NLRP14: variants seen among roughly 807,000 people sequenced by gnomAD.
NLRP14 encodes the protein NLR family pyrin domain containing 14, also known as NACHT, LRR and PYD domains-containing protein 14.
Under a neutral mutation model 94.7 loss-of-function variants are expected in NLRP14, and 105 were observed. The observed-to-expected ratio is 1.11, with a 90% confidence interval of 0.95 to 1.30. NLRP14 has a LOEUF of 1.30. NLRP14 is among the 50% of genes most tolerant of loss of function. The probability of loss-of-function intolerance (pLI) is 0.00; values close to 1 mark genes in which losing one functional copy is unlikely to be tolerated. For missense variants in NLRP14, 1,362 were observed against 1,254.1 expected (o/e 1.09, Z -1.30); for synonymous variants, 508 against 459.9 (o/e 1.10, Z -1.34).
intron 8 of NLRP14, among the ~76,000 whole-genome samples, 195 bp downstream of exon 8, chr11:7,058,645 A>AT (rs1283896971): frequency 6.6e-6 from 1 of 151,968 alleles, no homozygotes; most frequent in Non-Finnish European, 1.5e-5. Flanking sequence ...AACATGCTTA[A>AT]TCTGCAAAAT....
intron 11 of NLRP14, 142 bp from the exon 12 acceptor site, chr11:7,071,031 C>A: frequency 1.2e-6 from 1 of 858,266 alleles, no homozygotes; most frequent in Non-Finnish European, 1.9e-6. Flanking sequence ...GTTCGCTTCC[C>A]CACTCCTCAC....
At chr11:7,040,926 T>C (rs925615863) in intron 3 of NLRP14, among the ~76,000 whole-genome samples, 1 of 152,194 alleles carries the variant, frequency 6.6e-6, no homozygotes. Flanking sequence ...GCTATTTCCC[T>C]CTTATGTGCA....
At chr11:7,083,508 C>A in the NLRP14 span, among the ~76,000 whole-genome samples, 1 of 152,138 alleles carries the variant, frequency 6.6e-6, no homozygotes, top group African/African-American at 2.4e-5. Context: ...TGTCTATTCC[C>A]ATCAAGACCC....
rs1852291106 is a variant in NLRP14, at chr11:7,043,166, G to A, written c.1140G>A (p.Lys380=). ...LVCWAACTCL[K]QQMEKGGDVT... is the part of the protein sequence containing the mutation. ...GCTGGGCCGCTTGTACTTGTCTGAA[G>A]CAGCAAATGGAGAAGGGTGGTGATG... The change falls in exon 4 of 12, where the codon AAG becomes AAA. Residue 380 remains lysine (K), a synonymous_variant. Transcript: ENST00000299481. 3 of 1,614,020 alleles carry A rather than the reference G, an allele frequency of 1.9e-6. No homozygotes were observed. In the South Asian group the frequency reaches 3.3e-5, roughly 18 times the overall value.
At chr11:7,089,007 G>A in the NLRP14 span, 1 of 1,280,876 alleles carries the variant, frequency 7.8e-7, no homozygotes, top group South Asian at 1.3e-5. Context: ...TGGACTCGGC[G>A]ACTAGGCGCC....
chr11:7,068,823 TC>T (rs1357907870), intron 10 of NLRP14, among the ~76,000 whole-genome samples: 1 of 152,036 alleles, frequency 6.6e-6, no homozygotes, highest in Non-Finnish European at 1.5e-5. Flanking sequence ...GCTATTTTTT[TC>T]TTCTTTTCTG....
intron 10 of NLRP14, among the ~76,000 whole-genome samples, chr11:7,064,419 T>A (rs1852674308): frequency 6.6e-6 from 1 of 152,030 alleles, no homozygotes; most frequent in Non-Finnish European, 1.5e-5. Flanking sequence ...CATAATTATT[T>A]TGCCAGGCCA....
intron 1 of NLRP14, among the ~76,000 whole-genome samples, chr11:7,035,855 G>A (rs1215901948): frequency 6.6e-6 from 1 of 152,156 alleles, no homozygotes; most frequent in African/African-American, 2.4e-5. Flanking sequence ...CACAGATTTT[G>A]TATAACTCTG....
At chr11:7,088,967 C>T in the NLRP14 span, 4 of 853,904 alleles carry the variant, frequency 4.7e-6, no homozygotes, top group Non-Finnish European at 7.4e-6. Context: ...CAGGGGCGCG[C>T]CCTGCAGCGG....
the NLRP14 span, among the ~76,000 whole-genome samples, chr11:7,077,699 A>C: frequency 6.6e-6 from 1 of 152,214 alleles, no homozygotes; most frequent in African/African-American, 2.4e-5. Context: ...ATAGAAAAGA[A>C]AAGAGAGTTT....
At chr11:7,027,049 G>A (rs1463937056) in intron 1 of NLRP14, among the ~76,000 whole-genome samples, 1 of 151,910 alleles carries the variant, frequency 6.6e-6, no homozygotes, top group African/African-American at 2.4e-5. Context: ...CTGCATCAGT[G>A]CCCCTTTTTA....
chr11:7,074,466 G>A (rs562630214), downstream of NLRP14, among the ~76,000 whole-genome samples: 50 of 152,292 alleles, frequency 3.3e-4, no homozygotes, highest in African/African-American at 1.1e-3. Context: ...TGCAGTCATC[G>A]TCTCATCCTT....
rs150289350 is a variant in NLRP14, at chr11:7,027,963, T to C, written c.-22+7193T>C. The stretch of plus-strand genomic sequence containing the variant: ...CTTTTTCATGCTTTTTTGAAAACAA[T>C]TTTATTACCGCCTCCCAGGTCTGCT... On this transcript the variant is annotated intron_variant, in intron 1 of 11. Coordinates refer to ENST00000299481, the MANE Select transcript of NLRP14 (RefSeq NM_176822.4). 2.6e-3 allele frequency among the ~76,000 whole-genome samples: 391 copies of C among 152,284 alleles called. 3 individuals carry two copies. Among genetic ancestry groups the C allele is most frequent in the African/African-American group, 9.2e-3 (383 of 41,558 alleles).
At chr11:7,035,680 C>G (rs1010439544) in intron 1 of NLRP14, among the ~76,000 whole-genome samples, 1 of 152,134 alleles carries the variant, frequency 6.6e-6, no homozygotes, top group African/African-American at 2.4e-5. Flanking sequence ...TCAAATCTTA[C>G]CTCCCTGAGA....
intron 9 of NLRP14, among the ~76,000 whole-genome samples, chr11:7,060,962 G>C (rs757660592): frequency 2.6e-5 from 4 of 152,016 alleles, no homozygotes; most frequent in Non-Finnish European, 5.9e-5. Flanking sequence ...ACTTTGGCCA[G>C]CATGAATCAA....
chr11:7,035,169 A>C (rs897167954), intron 1 of NLRP14, among the ~76,000 whole-genome samples: 9 of 138,046 alleles, frequency 6.5e-5, no homozygotes, highest in Non-Finnish European at 1.1e-4. Flanking sequence ...TAAATAAATA[A>C]AATTAGCCAG....
At chr11:7,081,586 T>C in the NLRP14 span, among the ~76,000 whole-genome samples, 1 of 152,218 alleles carries the variant, frequency 6.6e-6, no homozygotes, top group Non-Finnish European at 1.5e-5. Context: ...GGAGTCTTTT[T>C]CTAAGATGGA....
intron 1 of NLRP14, among the ~76,000 whole-genome samples, chr11:7,031,752 T>G (rs1003708431): frequency 5.3e-5 from 8 of 152,188 alleles, no homozygotes; most frequent in Admixed American, 1.3e-4. Context: ...AGTCTTCCCC[T>G]AGCCCCTCTC....
chr11:7,070,146 T>C (rs1210578457), intron 10 of NLRP14, 140 bp from the exon 11 acceptor site: 11 of 668,612 alleles, frequency 1.6e-5, no homozygotes, highest in South Asian at 1.0e-4. Flanking sequence ...TAGGTACTTA[T>C]AGTCCTTGAA....
Sources: gnomAD v4.1 joint callset for allele counts (sites outside exome capture counted in the v4.1 genomes callset) on GRCh38, gnomAD v4.1.1 for gene constraint, MANE v1.5 for transcripts, NCBI Gene and HGNC (gene_info 2026-07-23, HGNC 2026-07-21) for gene names.